The following ZHX3 variants were observed in gnomAD, a reference collection of about 807,000 sequenced individuals.
ZHX3 encodes the protein zinc fingers and homeoboxes protein 3.
Under a neutral mutation model 64.5 loss-of-function variants are expected in ZHX3, and 20 were observed. The observed-to-expected ratio is 0.31, with a 90% CI of 0.22 to 0.45. ZHX3 has a LOEUF of 0.45. Ranked by LOEUF, ZHX3 falls within the 20% of genes least tolerant of loss-of-function variation. The pLI is 1.00. For missense variants in ZHX3, 1,041 were observed against 1,195.8 expected, an observed-to-expected ratio of 0.87 and a Z score of 1.91; for synonymous variants, 423 against 461.6, an observed-to-expected ratio of 0.92 and a Z score of 1.07.
At chr20:41,307,296 AC>A (rs2045008391) in intron 1 of ZHX3, among the ~76,000 whole-genome samples, 1 of 152,172 alleles carries the variant, frequency 6.6e-6, no homozygotes, top group Admixed American at 6.5e-5. Flanking sequence ...AGAGAAAGAT[AC>A]CCAGAAATGA....
In ZHX3 at chr20:41,201,588, C is replaced by T. The variant is rs2038223283; in HGVS notation, c.2860+469G>A. ...AACATTTCTTCTACATCAGGCATAA[C>T]CAGAGAAACACAAGACTTTCATCAT... On this transcript the variant is annotated intron_variant, in intron 3 of 3. Coordinates refer to ENST00000683867, the MANE Select transcript of ZHX3 (RefSeq NM_001384317.1). This position sits in a 1 kb window ranked among gnomAD's most constrained non-coding sequence, Gnocchi z 5.0. 6.6e-6 allele frequency among the ~76,000 whole-genome samples: 1 copy of T among 152,184 alleles called. No homozygotes were observed. Among genetic ancestry groups the T allele is most frequent in the East Asian group, 1.9e-4 (1 of 5,202 alleles).
rs2036279998 is a variant in ZHX3 at position 41,182,335 on chromosome 20, ACT to A, written c.*2854_*2855del. On this transcript the variant is annotated 3_prime_UTR_variant, in exon 4 of 4. Coordinates refer to ENST00000683867, the MANE Select transcript of ZHX3 (RefSeq NM_001384317.1). The surrounding 1 kb of genome is among the most constrained non-coding windows in gnomAD (Gnocchi z 6.1). ...CTTCAGGAGAGACTAACCTCACCCAACTCTCAACTCTGCAGCCCACAAATGCC... is the reference window on the plus strand; with the variant it reads ...CTTCAGGAGAGACTAACCTCACCCAACTCAACTCTGCAGCCCACAAATGCC... 1 of 152,196 alleles carries A rather than the reference ACT, an allele frequency of 6.6e-6. No individual in the cohort carries two copies. Among genetic ancestry groups the A allele is most frequent in the African/African-American group, 2.4e-5 (1 of 41,440 alleles). 9.4% of individuals were successfully genotyped at this position (152,196 alleles called of 1,614,324 possible).
Position 41,202,746 on chromosome 20 carries a change from G to C in ZHX3, c.2171C>G (p.Pro724Arg). 1.9e-6 allele frequency: 3 copies of C among 1,614,022 alleles called. No individual in the cohort carries two copies. Among genetic ancestry groups the C allele is most frequent in the Non-Finnish European group, 2.5e-6 (3 of 1,180,006 alleles). The change falls in exon 3 of 4, where the codon CCC becomes CGC. Residue 724 changes from proline (P) to arginine (R), a missense_variant. Pro to Arg is a moderately radical substitution (Grantham distance 103, BLOSUM62 -2). Transcript: ENST00000683867. The surrounding 1 kb of genome is among the most constrained non-coding windows in gnomAD (Gnocchi z 7.0). ...CAGGTTCTTCAGGTTGATTTTAATG[G>C]GGCTGACTTTGCGCTCTGCCAAGAT... Reference protein sequence around the residue: ...SHILAERKVSPIKINLKNLRV... With the variant: ...SHILAERKVSRIKINLKNLRV...
chr20:41,313,006 G>A lies in ZHX3; in HGVS notation c.-245+4503C>T, dbSNP rs540673983. 8.5e-5 allele frequency among the ~76,000 whole-genome samples: 13 copies of A among 152,264 alleles called. No homozygotes were observed. In the South Asian group the frequency reaches 2.7e-3, roughly 32 times the overall value. On this transcript the variant is annotated intron_variant, in intron 1 of 3. Coordinates refer to ENST00000683867, the MANE Select transcript of ZHX3 (RefSeq NM_001384317.1). ...ATCCATCTGAGAGAGGTGGGTAGGT[G>A]AATTAGGAAGATGGAAAAAAGGGAG...
chr20:41,272,840 A>G (rs2043208872), intron 1 of ZHX3, among the ~76,000 whole-genome samples: 1 of 152,106 alleles, frequency 6.6e-6, no homozygotes, highest in African/African-American at 2.4e-5. Flanking sequence ...CATGAACATG[A>G]GTGTACAAGT....
chr20:41,257,505 T>C (rs1199892722), intron 2 of ZHX3, among the ~76,000 whole-genome samples: 1 of 152,172 alleles, frequency 6.6e-6, no homozygotes, highest in Non-Finnish European at 1.5e-5. Flanking sequence ...TCTTTCATAT[T>C]CTTAATCCAG....
intron 1 of ZHX3, among the ~76,000 whole-genome samples, chr20:41,307,553 T>C (rs1027463950): frequency 2.0e-5 from 3 of 152,224 alleles, no homozygotes; most frequent in African/African-American, 7.2e-5. Flanking sequence ...CTCCACCAAA[T>C]ATTCCTTAAT....
chr20:41,245,972 G>A (rs1311649079), intron 2 of ZHX3, among the ~76,000 whole-genome samples: 1 of 152,226 alleles, frequency 6.6e-6, no homozygotes, highest in African/African-American at 2.4e-5. Context: ...GGAACCTCAA[G>A]TCTCCAATAT....
At chr20:41,223,715 C>T (rs970970929) in intron 2 of ZHX3, among the ~76,000 whole-genome samples, 5 of 152,082 alleles carry the variant, frequency 3.3e-5, no homozygotes, top group Admixed American at 2.6e-4. Context: ...TGTTAATGTG[C>T]TATGTATTCA....
At chr20:41,231,527 AC>A (rs1408428938) in intron 2 of ZHX3, among the ~76,000 whole-genome samples, 59 of 152,296 alleles carry the variant, frequency 3.9e-4, no homozygotes, top group African/African-American at 1.3e-3. Flanking sequence ...CTTCCACTGT[AC>A]CTAAATCATT....
At position 41,185,037 on chromosome 20, in the gene ZHX3, G is replaced by T. The variant is rs1374386526; in HGVS notation, c.*154C>A. ...GTGGGCAGGCCGAGGGTAGCGGCAG[G>T]CTCTGGGCTGTCTGCGAGGATTCTG... is the stretch of plus-strand genomic sequence containing the variant. On this transcript the variant is annotated 3_prime_UTR_variant, in exon 4 of 4. Coordinates refer to ENST00000683867, the MANE Select transcript of ZHX3 (RefSeq NM_001384317.1). The surrounding 1 kb of genome is among the most constrained non-coding windows in gnomAD (Gnocchi z 5.0). 6.4e-7 allele frequency: 1 copy of T among 1,551,712 alleles called. No homozygotes were observed. The highest frequency in any genetic ancestry group is 8.7e-7 in the Non-Finnish European group (1 of 1,147,134).
intron 1 of ZHX3, among the ~76,000 whole-genome samples, chr20:41,301,011 C>A (rs2044781492): frequency 6.6e-6 from 1 of 152,094 alleles, no homozygotes; most frequent in African/African-American, 2.4e-5. Flanking sequence ...GTGCCCTTTG[C>A]CTGAGACATT....
chr20:41,211,052 G>A (rs1412822758), intron 2 of ZHX3, among the ~76,000 whole-genome samples: 1 of 151,930 alleles, frequency 6.6e-6, no homozygotes, highest in East Asian at 1.9e-4. Context: ...AACAGCTAAG[G>A]CAGAAAACTA....
At chr20:41,190,222 G>A (rs1314060314) in intron 3 of ZHX3, among the ~76,000 whole-genome samples, 2 of 152,116 alleles carry the variant, frequency 1.3e-5, no homozygotes, top group Non-Finnish European at 2.9e-5. Flanking sequence ...TAGCCCAGGT[G>A]GAAGCACAGG....
In ZHX3 at chr20:41,228,016, CCTT is replaced by C. The variant is rs973342065; in HGVS notation, c.-150-22953_-150-22951del. Among the ~76,000 whole-genome samples, 24 of 152,170 alleles carry C rather than the reference CCTT, an allele frequency of 1.6e-4. No homozygotes were observed. Among genetic ancestry groups the C allele is most frequent in the African/African-American group, 4.8e-4 (20 of 41,426 alleles). ...CATTGCAGGCCCCATTCCTTCCTCT[CCTT>C]CTGCCCAAACCACTTGCACCAAGGT... On this transcript the variant is annotated intron_variant, in intron 2 of 3. Transcript: ENST00000683867. The surrounding 1 kb of genome is among the most constrained non-coding windows in gnomAD (Gnocchi z 4.6).
intron 2 of ZHX3, among the ~76,000 whole-genome samples, chr20:41,229,786 T>A (rs1011697374): frequency 2.0e-5 from 3 of 152,240 alleles, no homozygotes; most frequent in African/African-American, 4.8e-5. Flanking sequence ...TTGTAGAAAT[T>A]CTCTATATGT....
rs1407207605 is a variant in ZHX3 at position 41,226,984 on chromosome 20, A to G, written c.-150-21918T>C. On this transcript the variant is annotated intron_variant, in intron 2 of 3. Coordinates refer to ENST00000683867, the MANE Select transcript of ZHX3 (RefSeq NM_001384317.1). This position sits in a 1 kb window ranked among gnomAD's most constrained non-coding sequence, Gnocchi z 4.4. The stretch of plus-strand genomic sequence containing the variant: ...ATGAGTACTGTTTTGAATGCTGTTA[A>G]TATTTCATCAGGAAGTATCAGTTTC... 6.6e-6 allele frequency among the ~76,000 whole-genome samples: 1 copy of G among 152,222 alleles called. No individual in the cohort carries two copies. Among genetic ancestry groups the G allele is most frequent in the Non-Finnish European group, 1.5e-5 (1 of 68,044 alleles).
At chr20:41,300,069 C>CA (rs1421527417) in intron 1 of ZHX3, 7 of 152,208 alleles carry the variant, frequency 4.6e-5, no homozygotes, top group African/African-American at 1.7e-4. Context: ...ATCTTTCATT[C>CA]AGTCTATTTG....
At chr20:41,223,508 C>T (rs2040082210) in intron 2 of ZHX3, among the ~76,000 whole-genome samples, 1 of 152,174 alleles carries the variant, frequency 6.6e-6, no homozygotes, top group African/African-American at 2.4e-5. Context: ...TTTTATGCTG[C>T]TATGGATTAA....
Sources: allele counts gnomAD v4.1 joint callset (sites outside exome capture counted in the v4.1 genomes callset), GRCh38; gene constraint gnomAD v4.1.1; non-coding constraint Gnocchi (gnomAD v3.1); transcripts MANE v1.5; gene names NCBI Gene and HGNC (gene_info 2026-07-23, HGNC 2026-07-21).